The following PACRG variants were observed in gnomAD, a reference collection of about 807,000 sequenced individuals.
PACRG encodes the protein parkin coregulated.
PACRG carries 29 observed loss-of-function variants against 29.7 expected under a neutral mutation model. The observed-to-expected ratio is 0.98, with a 90% CI of 0.73 to 1.33. The LOEUF (loss-of-function observed/expected upper bound fraction) is 1.33. Ranked by LOEUF, PACRG falls within the 40% of genes most tolerant of loss-of-function variation. The pLI, the probability that PACRG is intolerant of heterozygous loss-of-function variation, is 0.00. For synonymous variants in PACRG, 116 were observed against 118.7 expected (o/e 0.98, Z 0.15); for missense variants, 279 against 316.2 (o/e 0.88, Z 0.89).
chr6:162,876,113 G>A lies in PACRG; in HGVS notation c.291+61832G>A, dbSNP rs79047704. On this transcript the variant is annotated intron_variant, in intron 2 of 4. Transcript: ENST00000366888. The stretch of plus-strand genomic sequence containing the variant: ...GTATCACTGTTCTCATGTGGGTGCA[G>A]CCATCTGGAGGGTAGCGTTTCAATA... Among the ~76,000 whole-genome samples, 321 of 152,308 alleles carry A rather than the reference G, an allele frequency of 2.1e-3. 2 individuals are homozygous for A. The highest frequency in any genetic ancestry group is 7.5e-3 in the African/African-American group (310 of 41,568).
chr6:162,867,719 C>T (rs1792421179), intron 2 of PACRG, among the ~76,000 whole-genome samples: 1 of 152,174 alleles, frequency 6.6e-6, no homozygotes, highest in African/African-American at 2.4e-5. Flanking sequence ...GACACAGACA[C>T]ACCTTGATGA....
Position 163,075,563 on chromosome 6 carries a change from G to A in PACRG, c.463+13242G>A, listed in dbSNP as rs190569975. Reference sequence around the variant, plus strand: ...AAAAATGATAATACCTCATGACAAAGTTGGTTTTATTTCAGGAGTATAAGA... The same window carrying A: ...AAAAATGATAATACCTCATGACAAAATTGGTTTTATTTCAGGAGTATAAGA... On this transcript the variant is annotated intron_variant, in intron 3 of 4. Transcript: ENST00000366888. Among the ~76,000 whole-genome samples, 786 of 152,190 alleles carry A rather than the reference G, an allele frequency of 5.2e-3. 9 individuals are homozygous for A. The highest frequency in any genetic ancestry group is 0.018 in the African/African-American group (733 of 41,508).
chr6:162,764,633 A>G (rs1431215986), intron 1 of PACRG, among the ~76,000 whole-genome samples: 4 of 152,078 alleles, frequency 2.6e-5, no homozygotes, highest in Non-Finnish European at 4.4e-5. Flanking sequence ...CATCTCTGCT[A>G]TATTTGAATG....
At chr6:163,308,883 G>A (rs1013801270) in intron 4 of PACRG, among the ~76,000 whole-genome samples, 1 of 152,172 alleles carries the variant, frequency 6.6e-6, no homozygotes, top group African/African-American at 2.4e-5. Flanking sequence ...AGCTGTGACT[G>A]ATGACGTCAA....
intron 2 of PACRG, among the ~76,000 whole-genome samples, chr6:162,877,697 A>G (rs368248045): frequency 6.6e-6 from 1 of 152,316 alleles, no homozygotes; most frequent in African/African-American, 2.4e-5. Context: ...GGGACCAAAT[A>G]TATAAGACAT....
chr6:163,024,071 A>G (rs1343026288), intron 2 of PACRG, among the ~76,000 whole-genome samples: 1 of 152,084 alleles, frequency 6.6e-6, no homozygotes, highest in Non-Finnish European at 1.5e-5. Context: ...TCTTTAGTTT[A>G]ATTAGGTACC....
At chr6:163,183,588 A>T (rs976272239) in intron 4 of PACRG, 2 of 150,464 alleles carry the variant, frequency 1.3e-5, no homozygotes, top group Admixed American at 1.3e-4. Context: ...GAAAAAAAAA[A>T]GGAAGAAAAA....
intron 2 of PACRG, among the ~76,000 whole-genome samples, chr6:162,945,110 A>C (rs1798909926): frequency 1.3e-5 from 2 of 152,152 alleles, no homozygotes; most frequent in South Asian, 4.1e-4. Context: ...AAGATATAGA[A>C]AACAAGCAGA....
At chr6:163,143,773 G>A (rs917233383) in intron 4 of PACRG, among the ~76,000 whole-genome samples, 2 of 151,676 alleles carry the variant, frequency 1.3e-5, no homozygotes, top group Non-Finnish European at 2.9e-5. Flanking sequence ...AAGAATCCAC[G>A]TCCAATGCCA....
intron 4 of PACRG, among the ~76,000 whole-genome samples, chr6:163,177,710 ATTTTTTTTTTTTTT>A (rs398003265): frequency 1.9e-5 from 1 of 53,744 alleles, no homozygotes; most frequent in Non-Finnish European, 3.1e-5. Context: ...TAGAAAAGGG[ATTTTTTTTTTTTTT>A]TTTTTTTTTT....
In PACRG at chr6:162,926,236, A is replaced by G. The variant is rs1047742931; in HGVS notation, c.291+111955A>G. On this transcript the variant is annotated intron_variant, in intron 2 of 4. Coordinates refer to ENST00000366888, the MANE Select transcript of PACRG (RefSeq NM_001080379.2). ...TGAAAATGGCCATACTGCCCAAAGT[A>G]ATTTATAGATTCAATGCTATTCTCA... is the stretch of plus-strand genomic sequence containing the variant. Among the ~76,000 whole-genome samples, 15 of 152,304 alleles carry G rather than the reference A, an allele frequency of 9.8e-5. No homozygotes were observed. In the East Asian group the frequency reaches 2.9e-3, roughly 29 times the overall value.
chr6:162,972,463 A>G (rs1801615544), intron 2 of PACRG, among the ~76,000 whole-genome samples: 1 of 152,074 alleles, frequency 6.6e-6, no homozygotes, highest in African/African-American at 2.4e-5. Context: ...CTATGATCTA[A>G]ATAAGCAGTG....
At chr6:163,165,076 A>G (rs537122481) in intron 4 of PACRG, among the ~76,000 whole-genome samples, 1 of 152,302 alleles carries the variant, frequency 6.6e-6, no homozygotes, top group Admixed American at 6.5e-5. Flanking sequence ...TACTAACACC[A>G]GGTCCCTATC....
chr6:162,874,622 C>CAAT (rs1793135194), intron 2 of PACRG, among the ~76,000 whole-genome samples: 1 of 152,156 alleles, frequency 6.6e-6, no homozygotes, highest in Non-Finnish European at 1.5e-5. Context: ...TGGACACCCC[C>CAAT]CAATGTGGCG....
chr6:163,297,209 C>T (rs1337181669), intron 4 of PACRG, among the ~76,000 whole-genome samples: 2 of 152,138 alleles, frequency 1.3e-5, no homozygotes, highest in African/African-American at 4.8e-5. Context: ...AGAGGGTGAA[C>T]AAAATCACCA....
upstream of PACRG, chr6:162,727,318 T>TGAGGGGCGGCGGCGGGGCGAAGGC: frequency 5.9e-6 from 2 of 337,470 alleles, no homozygotes; most frequent in South Asian, 4.5e-5. Context: ...GGGGCGAAGG[T>TGAGGGGCGGCGGCGGGGCGAAGGC]GAGGGGCGGC....
chr6:163,020,609 T>C (rs1806518425), intron 2 of PACRG, among the ~76,000 whole-genome samples: 1 of 152,200 alleles, frequency 6.6e-6, no homozygotes, highest in Admixed American at 6.5e-5. Context: ...ATCATGGTGC[T>C]GCTATTTCCC....
intron 1 of PACRG, among the ~76,000 whole-genome samples, chr6:162,805,800 GT>G (rs1355824081): frequency 2.0e-5 from 3 of 152,180 alleles, no homozygotes; most frequent in Non-Finnish European, 4.4e-5. Context: ...CCTCATTAAA[GT>G]TTTTTATGAG....
chr6:162,987,352 C>T (rs957754830), intron 2 of PACRG, among the ~76,000 whole-genome samples: 4 of 152,270 alleles, frequency 2.6e-5, no homozygotes, highest in Admixed American at 1.3e-4. Flanking sequence ...TGTCTGCAAG[C>T]TTCAGGTCTC....
Sources: allele counts gnomAD v4.1 joint callset (sites outside exome capture counted in the v4.1 genomes callset), GRCh38; gene constraint gnomAD v4.1.1; transcripts MANE v1.5; gene names NCBI Gene and HGNC (gene_info 2026-07-23, HGNC 2026-07-21).